LARGE1: variants seen among roughly 807,000 people sequenced by gnomAD.
The protein encoded by LARGE1 is LARGE xylosyl- and glucuronyltransferase 1.
In LARGE1, 43 loss-of-function variants were observed where a neutral mutation model predicts 87.6. The observed-to-expected ratio is 0.49, with a 90% confidence interval of 0.38 to 0.63. LARGE1 has a LOEUF of 0.63. Ranked by LOEUF, LARGE1 falls within the 30% of genes least tolerant of loss-of-function variation. The pLI, the probability that LARGE1 is intolerant of heterozygous loss-of-function variation, is 0.00. For missense variants in LARGE1, 802 were observed against 1,000.2 expected, an observed-to-expected ratio of 0.80 and a Z score of 2.67; for synonymous variants, 434 against 394.6, an observed-to-expected ratio of 1.10 and a Z score of -1.18.
chr22:33,818,932 G>C (rs551608235), intron 1 of LARGE1, among the ~76,000 whole-genome samples: 1 of 152,294 alleles, frequency 6.6e-6, no homozygotes, highest in East Asian at 1.9e-4. Flanking sequence ...TCCACAACTA[G>C]ATTCTGATTA....
chr22:33,523,388 C>T lies in LARGE1; in HGVS notation c.787+41460G>A, dbSNP rs571874554. ...TTGCTTCTCTTTCTGTGGTTAAAAA[C>T]CAACAACCTGCATTTCCTCCTCTGT... On this transcript the variant is annotated intron_variant, in intron 6 of 14. Transcript: ENST00000397394. 3.7e-4 allele frequency among the ~76,000 whole-genome samples: 56 copies of T among 152,238 alleles called. 2 individuals carry two copies. In the South Asian group the frequency reaches 0.011, roughly 29 times the overall value.
chr22:33,528,090 T>C (rs573733042), intron 6 of LARGE1, among the ~76,000 whole-genome samples: 2 of 119,112 alleles, frequency 1.7e-5, no homozygotes, highest in African/African-American at 3.2e-5. Flanking sequence ...AGAGTAGACA[T>C]ACCCACTTTG....
intron 7 of LARGE1, among the ~76,000 whole-genome samples, chr22:33,422,255 T>C (rs774390691): frequency 7.9e-5 from 12 of 152,250 alleles, no homozygotes; most frequent in Admixed American, 5.2e-4. Flanking sequence ...TTACACATAA[T>C]TGTTAAGTAT....
In LARGE1 at chr22:33,861,984, G is replaced by A. The variant is rs141908127; in HGVS notation, c.-83+58011C>T. On this transcript the variant is annotated intron_variant, in intron 1 of 14. Transcript: ENST00000397394. ...AGCAATTCTCATGCCTCAGCCTCCC[G>A]AGTAGCTGGGATTACAGGCACGCGC... Among the ~76,000 whole-genome samples, 349 of 148,740 alleles carry A rather than the reference G, an allele frequency of 2.3e-3. 2 individuals carry two copies. Among genetic ancestry groups the A allele is most frequent in the African/African-American group, 8.0e-3 (321 of 40,050 alleles).
chr22:33,427,712 C>T (rs955121341), intron 7 of LARGE1, among the ~76,000 whole-genome samples: 1 of 152,188 alleles, frequency 6.6e-6, no homozygotes, highest in African/African-American at 2.4e-5. Flanking sequence ...AAATCACAAC[C>T]AACTTGCTAA....
At chr22:33,104,983 CT>C in the LARGE1 span, among the ~76,000 whole-genome samples, 2 of 120,766 alleles carry the variant, frequency 1.7e-5, no homozygotes. Flanking sequence ...CTTTCTTTTT[CT>C]TTTCTTTCTC....
chr22:33,743,648 A>G (rs1180682085), intron 2 of LARGE1, among the ~76,000 whole-genome samples: 2 of 152,168 alleles, frequency 1.3e-5, no homozygotes, highest in African/African-American at 2.4e-5. Flanking sequence ...ATCATTCTCT[A>G]TATAGAAGCC....
chr22:33,559,147 A>C (rs1171739842), intron 6 of LARGE1, among the ~76,000 whole-genome samples: 1 of 152,220 alleles, frequency 6.6e-6, no homozygotes, highest in Non-Finnish European at 1.5e-5. Context: ...GCTCCGGCAG[A>C]TCAGATGCAT....
rs1928724517 is a variant in LARGE1, at chr22:33,274,351, T to C, written c.*76A>G. The C allele has an allele frequency of 1.4e-6, 2 of 1,474,350 alleles. No homozygotes were observed. The highest frequency in any genetic ancestry group is 4.5e-5 in the East Asian group (2 of 44,182). 91.3% of individuals were successfully genotyped at this position (1,474,350 alleles called of 1,614,324 possible). A position where few individuals can be genotyped will look rare whatever the true frequency, so the allele number is the denominator to read the frequency against. ...CGAAAAAGCATGGCTCAATTTTGAATTTGAAGGCCGGGCCCCAAACAGCGA... is the reference window on the plus strand; with the variant it reads ...CGAAAAAGCATGGCTCAATTTTGAACTTGAAGGCCGGGCCCCAAACAGCGA... On this transcript the variant is annotated 3_prime_UTR_variant, in exon 15 of 15. Transcript: ENST00000397394.
Position 33,632,203 on chromosome 22 carries a change from A to C in LARGE1, c.409-5877T>G, listed in dbSNP as rs928107893. 5.9e-5 allele frequency among the ~76,000 whole-genome samples: 9 copies of C among 151,972 alleles called. No homozygotes were observed. The East Asian group carries it at 1.7e-3, about 29-fold the overall frequency. On this transcript the variant is annotated intron_variant, in intron 3 of 14. Transcript: ENST00000397394. ...AGTGGTATGATCTCAGCTCTCTCCA[A>C]CCTCCGTGTCCCAGGTTCAAGCGAT...
the LARGE1 span, among the ~76,000 whole-genome samples, chr22:33,146,180 G>T: frequency 6.6e-6 from 1 of 152,164 alleles, no homozygotes. Context: ...TCCCACCAGA[G>T]GATTTCCTTA....
intron 1 of LARGE1, among the ~76,000 whole-genome samples, chr22:33,911,738 G>A (rs567168423): frequency 2.0e-5 from 3 of 152,246 alleles, no homozygotes; most frequent in South Asian, 4.2e-4. Context: ...CACGCATTTC[G>A]GTATTGTACT....
At chr22:33,585,625 A>G (rs1342610921) in intron 5 of LARGE1, among the ~76,000 whole-genome samples, 2 of 152,188 alleles carry the variant, frequency 1.3e-5, no homozygotes, top group African/African-American at 2.4e-5. Flanking sequence ...AAAATTCCCA[A>G]GATAATAACC....
intron 1 of LARGE1, among the ~76,000 whole-genome samples, chr22:33,889,444 G>A (rs1220540746): frequency 6.6e-6 from 1 of 152,160 alleles, no homozygotes; most frequent in Non-Finnish European, 1.5e-5. Flanking sequence ...TTCTGGAGCT[G>A]GAATAATACG....
At chr22:33,723,729 T>A (rs2083179334) in intron 2 of LARGE1, 2 of 152,054 alleles carry the variant, frequency 1.3e-5, no homozygotes, top group Non-Finnish European at 2.9e-5. Flanking sequence ...CCCCCTTTTT[T>A]CCCCCTCTAC....
downstream of LARGE1, among the ~76,000 whole-genome samples, chr22:33,268,788 C>T (rs547312516): frequency 3.9e-5 from 6 of 152,196 alleles, no homozygotes; most frequent in South Asian, 2.1e-4. Flanking sequence ...GGTAATAAGG[C>T]GACTAAGTTA....
intron 6 of LARGE1, among the ~76,000 whole-genome samples, chr22:33,538,036 G>A (rs1227619109): frequency 1.3e-5 from 2 of 152,110 alleles, no homozygotes; most frequent in Non-Finnish European, 2.9e-5. Flanking sequence ...GCCTGCTTCC[G>A]GTGAACTCTC....
chr22:33,418,359 T>C (rs1183423027), intron 7 of LARGE1, among the ~76,000 whole-genome samples: 1 of 152,164 alleles, frequency 6.6e-6, no homozygotes, highest in African/African-American at 2.4e-5. Flanking sequence ...TCTTTTGCCA[T>C]GGGACATAAC....
At chr22:33,539,364 T>C (rs5754601) in intron 6 of LARGE1, among the ~76,000 whole-genome samples, 90,181 of 151,966 alleles carry the variant, frequency 0.59, 26,980 homozygotes, top group Admixed American at 0.68. Context: ...CACACTCATC[T>C]TATCACCAAC....
Sources: gnomAD v4.1 joint callset for allele counts (sites outside exome capture counted in the v4.1 genomes callset) on GRCh38, gnomAD v4.1.1 for gene constraint, MANE v1.5 for transcripts, NCBI Gene and HGNC (gene_info 2026-07-23, HGNC 2026-07-21) for gene names.